The following SERINC5 variants were observed in gnomAD, a reference collection of about 807,000 sequenced individuals.
SERINC5 encodes the protein chromosome 5 open reading frame 12.
SERINC5 carries 41 observed loss-of-function variants against 63.1 expected under a neutral mutation model. The observed-to-expected ratio is 0.65, with a 90% CI of 0.51 to 0.84. The LOEUF (loss-of-function observed/expected upper bound fraction) is 0.84. SERINC5 is among the 40% of genes least tolerant of loss of function. The pLI is 0.00. For missense variants in SERINC5, 523 were observed against 573.0 expected (o/e 0.91, Z 0.89); for synonymous variants, 222 against 215.2 (o/e 1.03, Z -0.28).
At chr5:80,132,345 A>G (rs1352834161) in intron 11 of SERINC5, among the ~76,000 whole-genome samples, 1 of 152,198 alleles carries the variant, frequency 6.6e-6, no homozygotes, top group African/African-American at 2.4e-5. Context: ...GGTTAATCAC[A>G]AACTGATGAC....
At chr5:80,237,774 CA>C (rs1326798396) in intron 1 of SERINC5, among the ~76,000 whole-genome samples, 9 of 151,810 alleles carry the variant, frequency 5.9e-5, no homozygotes, top group African/African-American at 2.2e-4. Context: ...AAAAAGAAGT[CA>C]GAGACTCAGC....
intron 11 of SERINC5, among the ~76,000 whole-genome samples, chr5:80,127,094 T>C (rs542808648): frequency 1.3e-5 from 2 of 152,262 alleles, no homozygotes; most frequent in African/African-American, 2.4e-5. Flanking sequence ...TTTAAAAACC[T>C]CCTATTCCCC....
chr5:80,142,789 G>A lies in SERINC5; in HGVS notation c.*874C>T. ...CAGCTTTTCAGTTAAGGTCCTAAAA[G>A]TATTATCATTATCAACAGCACAAAC... On this transcript the variant is annotated 3_prime_UTR_variant, in exon 12 of 12. Coordinates refer to ENST00000507668, the MANE Select transcript of SERINC5 (RefSeq NM_001174072.3). The A allele has an allele frequency of 1.0e-6, 1 of 985,446 alleles. No individual in the cohort carries two copies. Among genetic ancestry groups the A allele is most frequent in the Non-Finnish European group, 1.2e-6 (1 of 829,928 alleles). The allele number at this position is 985,446 out of a possible 1,614,324, so 61.0% of individuals were successfully genotyped here.
chr5:80,220,467 G>A (rs141113849), intron 1 of SERINC5, among the ~76,000 whole-genome samples: 1 of 152,178 alleles, frequency 6.6e-6, no homozygotes, highest in South Asian at 2.1e-4. Flanking sequence ...CTTAATTACT[G>A]TTATTTGTTC....
intron 2 of SERINC5, among the ~76,000 whole-genome samples, chr5:80,189,456 G>A (rs1749045542): frequency 6.6e-6 from 1 of 152,210 alleles, no homozygotes; most frequent in Non-Finnish European, 1.5e-5. Context: ...TAAAACCACA[G>A]CTACGGAGGT....
chr5:80,197,167 G>A (rs1749557287), intron 2 of SERINC5, among the ~76,000 whole-genome samples: 1 of 152,000 alleles, frequency 6.6e-6, no homozygotes, highest in Non-Finnish European at 1.5e-5. Flanking sequence ...TGGCCAACAT[G>A]GTGAAACCCT....
chr5:80,216,601 A>G (rs1190663959), intron 1 of SERINC5, among the ~76,000 whole-genome samples: 1 of 152,244 alleles, frequency 6.6e-6, no homozygotes, highest in Non-Finnish European at 1.5e-5. Flanking sequence ...AGGTGAGTTA[A>G]GTAAGTTCTA....
chr5:80,140,046 T>C lies in SERINC5; in HGVS notation c.*3617A>G, dbSNP rs1435481091. The C allele has an allele frequency of 4.7e-5, 46 of 984,946 alleles. No homozygotes were observed. The highest frequency in any genetic ancestry group is 5.5e-5 in the Non-Finnish European group (46 of 829,776). The allele number at this position is 984,946 out of a possible 1,614,324, so 61.0% of individuals were successfully genotyped here. Reference sequence around the variant, plus strand: ...TACATCATCTTAAAAAGGCAGAGGGTAGGCTGCGTGCAGTGGTTTACGCCT... The same window carrying C: ...TACATCATCTTAAAAAGGCAGAGGGCAGGCTGCGTGCAGTGGTTTACGCCT... On this transcript the variant is annotated 3_prime_UTR_variant, in exon 12 of 12. Coordinates refer to ENST00000507668, the MANE Select transcript of SERINC5 (RefSeq NM_001174072.3).
At chr5:80,228,918 AG>A (rs1449739232) in intron 1 of SERINC5, among the ~76,000 whole-genome samples, 1 of 152,174 alleles carries the variant, frequency 6.6e-6, no homozygotes. Flanking sequence ...CAAGAACAAA[AG>A]AAAAAGGTGG....
chr5:80,222,849 C>T (rs1412350994), intron 1 of SERINC5, among the ~76,000 whole-genome samples: 13 of 151,990 alleles, frequency 8.6e-5, no homozygotes, highest in African/African-American at 3.1e-4. Context: ...GCTGGGATTA[C>T]AGGTGTGGGC....
chr5:80,120,333 T>C (rs1469033973), intron 11 of SERINC5, among the ~76,000 whole-genome samples: 1 of 152,170 alleles, frequency 6.6e-6, no homozygotes, highest in African/African-American at 2.4e-5. Context: ...CCAGGTTTTC[T>C]TTTGTCTTAC....
chr5:80,134,426 C>T (rs1580037315), downstream of SERINC5, among the ~76,000 whole-genome samples: 2 of 152,172 alleles, frequency 1.3e-5, no homozygotes, highest in Admixed American at 6.5e-5. Flanking sequence ...GTGGAGATTG[C>T]AGTGAGCCAA....
At chr5:80,122,213 A>AT (rs1554057292) in intron 11 of SERINC5, among the ~76,000 whole-genome samples, 78 of 107,298 alleles carry the variant, frequency 7.3e-4, no homozygotes, top group African/African-American at 2.7e-3. Context: ...ATATATATAT[A>AT]ATATGAGTTT....
intron 1 of SERINC5, among the ~76,000 whole-genome samples, chr5:80,220,386 G>C (rs1226288944): frequency 6.6e-6 from 1 of 152,180 alleles, no homozygotes; most frequent in East Asian, 1.9e-4. Flanking sequence ...TCAATGCCAG[G>C]CTGACTGAAT....
chr5:80,152,955 A>C (rs1746280113), intron 8 of SERINC5, among the ~76,000 whole-genome samples: 1 of 152,182 alleles, frequency 6.6e-6, no homozygotes, highest in African/African-American at 2.4e-5. Context: ...AAGAAAAACA[A>C]AGCCTCAGAG....
At chr5:80,241,810 G>T (rs144885237) in intron 1 of SERINC5, among the ~76,000 whole-genome samples, 3 of 152,032 alleles carry the variant, frequency 2.0e-5, no homozygotes, top group African/African-American at 7.2e-5. Flanking sequence ...AAATGTAAAT[G>T]ATCCAAGCAT....
intron 1 of SERINC5, among the ~76,000 whole-genome samples, chr5:80,213,245 C>CAAAA (rs57289084): frequency 1.5e-5 from 2 of 132,662 alleles, no homozygotes; most frequent in Non-Finnish European, 3.2e-5. Flanking sequence ...GACTGCATCT[C>CAAAA]AAAGAAAGAA....
At chr5:80,118,647 A>C (rs936139677) in intron 11 of SERINC5, among the ~76,000 whole-genome samples, 7 of 151,878 alleles carry the variant, frequency 4.6e-5, no homozygotes, top group Non-Finnish European at 7.4e-5. Context: ...TCCCAGGCTC[A>C]AGTGATCCTC....
intron 5 of SERINC5, 28 bp from the exon 6 acceptor site, chr5:80,169,574 G>C (rs563040902): frequency 1.7e-5 from 26 of 1,575,084 alleles, no homozygotes; most frequent in Non-Finnish European, 2.3e-5. Context: ...GGGTAAGAGG[G>C]AGAGGAGAGA....
Sources: gnomAD v4.1 joint callset for allele counts (sites outside exome capture counted in the v4.1 genomes callset) on GRCh38, gnomAD v4.1.1 for gene constraint, MANE v1.5 for transcripts, NCBI Gene and HGNC (gene_info 2026-07-23, HGNC 2026-07-21) for gene names.